The following MYO5B variants were observed in gnomAD, a reference collection of about 807,000 sequenced individuals.
MYO5B encodes the protein myosin VB, also known as unconventional myosin-Vb.
A neutral mutation model predicts 229.3 loss-of-function variants in MYO5B; 143 were observed. The ratio of observed to expected loss-of-function variants is 0.62; its 90% confidence interval spans 0.54 to 0.72. MYO5B has a LOEUF of 0.72. Among genes scored for constraint, MYO5B ranks in the 30% least tolerant of loss-of-function variants. The pLI, the probability that MYO5B is intolerant of heterozygous loss-of-function variation, is 0.00. For missense variants in MYO5B, 2,321 were observed against 2,331.0 expected (o/e 1.00, Z 0.09); for synonymous variants, 918 against 885.2 (o/e 1.04, Z -0.66).
At chr18:50,031,557 A>C (rs1240930647) in intron 4 of MYO5B, among the ~76,000 whole-genome samples, 1 of 152,230 alleles carries the variant, frequency 6.6e-6, no homozygotes. Context: ...ACACTGTGCC[A>C]CAAAGTCTCA....
intron 4 of MYO5B, among the ~76,000 whole-genome samples, chr18:50,002,150 T>C (rs1237816156): frequency 2.0e-5 from 3 of 152,142 alleles, no homozygotes; most frequent in African/African-American, 4.8e-5. Flanking sequence ...TTCAAAAACA[T>C]GGATCTTTTC....
chr18:50,152,518 G>A (rs1217101189), intron 1 of MYO5B, among the ~76,000 whole-genome samples: 1 of 152,164 alleles, frequency 6.6e-6, no homozygotes, highest in African/African-American at 2.4e-5. Context: ...CTCTGAGAAT[G>A]GGTACCAGAA....
intron 1 of MYO5B, among the ~76,000 whole-genome samples, chr18:50,145,208 C>A (rs2032480357): frequency 6.6e-6 from 1 of 152,090 alleles, no homozygotes; most frequent in Admixed American, 6.6e-5. Flanking sequence ...CAATTCTCAG[C>A]CGGGTGCAGC....
At chr18:49,976,304 T>C (rs1005055615) in intron 9 of MYO5B, among the ~76,000 whole-genome samples, 1 of 152,160 alleles carries the variant, frequency 6.6e-6, no homozygotes, top group Non-Finnish European at 1.5e-5. Context: ...CCCAGGCAAT[T>C]TTTTCCTCCT....
In MYO5B at chr18:50,015,138, G is replaced by A. The variant is rs541016961; in HGVS notation, c.456-13727C>T. Among the ~76,000 whole-genome samples, 134 of 152,276 alleles carry A rather than the reference G, an allele frequency of 8.8e-4. 1 individual carries two copies. In the Middle Eastern group the frequency reaches 0.017, roughly 19 times the overall value. On this transcript the variant is annotated intron_variant, in intron 4 of 39. Coordinates refer to ENST00000285039, the MANE Select transcript of MYO5B (RefSeq NM_001080467.3). ...CCTCTGCAGTGGGTTCACGGGACAG[G>A]GATCAGGGGGCTGAAACAAAGACAG... is the stretch of plus-strand genomic sequence containing the variant.
intron 4 of MYO5B, among the ~76,000 whole-genome samples, chr18:50,035,391 C>T (rs1280535177): frequency 6.6e-6 from 1 of 152,166 alleles, no homozygotes; most frequent in Non-Finnish European, 1.5e-5. Flanking sequence ...TCTTTCAGAA[C>T]CATAAAGAAA....
At chr18:49,939,681 T>C (rs758396644) in intron 14 of MYO5B, among the ~76,000 whole-genome samples, 1 of 152,164 alleles carries the variant, frequency 6.6e-6, no homozygotes, top group Non-Finnish European at 1.5e-5. Context: ...AAAGGGCTGC[T>C]AGTCAGTGGC....
rs181954973 is a variant in MYO5B, at chr18:50,060,900, G to T, written c.28-5522C>A. Reference sequence around the variant, plus strand: ...TAGTGTTTTCTGAAGCTCCCCAGATGAATTCAATATGCAAGCAAGTTTGAA... The same window carrying T: ...TAGTGTTTTCTGAAGCTCCCCAGATTAATTCAATATGCAAGCAAGTTTGAA... On this transcript the variant is annotated intron_variant, in intron 1 of 39. Coordinates refer to ENST00000285039, the MANE Select transcript of MYO5B (RefSeq NM_001080467.3). Among the ~76,000 whole-genome samples, 5 of 152,300 alleles carry T rather than the reference G, an allele frequency of 3.3e-5. No homozygotes were observed. In the East Asian group the frequency reaches 7.7e-4, roughly 23 times the overall value.
chr18:50,017,742 A>G (rs1273852947), intron 4 of MYO5B, among the ~76,000 whole-genome samples: 1 of 152,190 alleles, frequency 6.6e-6, no homozygotes, highest in East Asian at 1.9e-4. Context: ...TCAAAATCTA[A>G]TTGTTAAATC....
In MYO5B at chr18:49,836,876, T is replaced by C; in HGVS notation, c.5148A>G (p.Ile1716Met). The C allele has an allele frequency of 6.2e-7, 1 of 1,614,014 alleles. No individual in the cohort carries two copies. The highest frequency in any genetic ancestry group is 1.1e-5 in the South Asian group (1 of 91,066). Residue 1716 changes from isoleucine to methionine, a missense_variant, in exon 38 of 40, where the codon ATA becomes ATG. Coordinates refer to ENST00000285039, the MANE Select transcript of MYO5B (RefSeq NM_001080467.3). The stretch of plus-strand genomic sequence containing the variant: ...CCCGAAGCCACTCCTCAAGCTGACT[T>C]ATATTGTACCTTAGCCATAGGTAGA... ...WSTGMQLRYN[I>M]SQLEEWLRGR...
chr18:50,075,806 G>C (rs997199145), intron 1 of MYO5B, among the ~76,000 whole-genome samples: 1 of 152,250 alleles, frequency 6.6e-6, no homozygotes, highest in Non-Finnish European at 1.5e-5. Context: ...CATGGAGCCA[G>C]AACCCCAGGA....
chr18:50,050,628 T>C (rs748411826), intron 2 of MYO5B, among the ~76,000 whole-genome samples: 1 of 152,196 alleles, frequency 6.6e-6, no homozygotes, highest in African/African-American at 2.4e-5. Context: ...TGACCTGAAA[T>C]GCTCAACGCC....
chr18:49,836,274 AAT>A (rs2023986188), intron 38 of MYO5B, among the ~76,000 whole-genome samples: 5 of 152,188 alleles, frequency 3.3e-5, no homozygotes, highest in Admixed American at 3.3e-4. Context: ...TGTGAGTGAA[AAT>A]ATGACCATAT....
chr18:49,944,872 G>C (rs935048472), intron 14 of MYO5B, among the ~76,000 whole-genome samples: 1 of 152,104 alleles, frequency 6.6e-6, no homozygotes, highest in Non-Finnish European at 1.5e-5. Context: ...CTCCTCCTCA[G>C]ACCTCCCTCC....
At chr18:49,994,153 G>T (rs1378234457) in intron 5 of MYO5B, among the ~76,000 whole-genome samples, 1 of 152,074 alleles carries the variant, frequency 6.6e-6, no homozygotes, top group African/African-American at 2.4e-5. Flanking sequence ...GAGACTAGGG[G>T]AGCACCTCCT....
At chr18:50,040,715 T>C (rs761334826) in intron 2 of MYO5B, among the ~76,000 whole-genome samples, 2 of 152,222 alleles carry the variant, frequency 1.3e-5, no homozygotes, top group Non-Finnish European at 2.9e-5. Context: ...CATTTTTATC[T>C]GGATCATCTT....
intron 26 of MYO5B, among the ~76,000 whole-genome samples, chr18:49,872,533 A>G (rs1356451308): frequency 6.6e-6 from 1 of 151,904 alleles, no homozygotes; most frequent in African/African-American, 2.4e-5. Context: ...TGCCCCCCCA[A>G]ATGATATTCT....
chr18:49,875,152 T>A (rs1431482984), intron 26 of MYO5B, among the ~76,000 whole-genome samples: 1 of 152,190 alleles, frequency 6.6e-6, no homozygotes. Flanking sequence ...GATGGAATGA[T>A]TACTTTTGGG....
chr18:49,999,165 G>C (rs2026019979), intron 5 of MYO5B, among the ~76,000 whole-genome samples: 1 of 152,178 alleles, frequency 6.6e-6, no homozygotes, highest in South Asian at 2.1e-4. Flanking sequence ...GTTTTGCTCA[G>C]AATAACTACT....
Sources: allele counts gnomAD v4.1 joint callset (sites outside exome capture counted in the v4.1 genomes callset), GRCh38; gene constraint gnomAD v4.1.1; transcripts MANE v1.5; gene names NCBI Gene and HGNC (gene_info 2026-07-23, HGNC 2026-07-21).